The following SIPA1L1 variants were observed in gnomAD, a reference collection of about 807,000 sequenced individuals.
SIPA1L1 encodes the protein signal induced proliferation associated 1 like 1.
SIPA1L1 carries 26 observed loss-of-function variants against 162.7 expected under a neutral mutation model. The ratio of observed to expected loss-of-function variants is 0.16; its 90% CI spans 0.12 to 0.22. SIPA1L1 has a LOEUF of 0.22. Among genes scored for constraint, SIPA1L1 ranks in the 10% least tolerant of loss-of-function variants. SIPA1L1 has a pLI of 1.00. For missense variants in SIPA1L1, 1,874 were observed against 2,241.0 expected (o/e 0.84, Z 3.31); for synonymous variants, 829 against 837.4 (o/e 0.99, Z 0.17).
At chr14:71,625,799 A>G (rs2039920291) in intron 7 of SIPA1L1, among the ~76,000 whole-genome samples, 1 of 152,244 alleles carries the variant, frequency 6.6e-6, no homozygotes, top group Admixed American at 6.5e-5. Flanking sequence ...CATATACTTA[A>G]CATTTGAAAT....
At chr14:71,452,061 CAGAT>C (rs933966323) in intron 2 of SIPA1L1, among the ~76,000 whole-genome samples, 16 of 152,232 alleles carry the variant, frequency 1.1e-4, no homozygotes, top group Non-Finnish European at 2.1e-4. Flanking sequence ...TATAGAAAAG[CAGAT>C]AGATCCTACG....
intron 2 of SIPA1L1, among the ~76,000 whole-genome samples, chr14:71,386,862 C>T (rs2040362981): frequency 6.6e-6 from 1 of 152,168 alleles, no homozygotes; most frequent in African/African-American, 2.4e-5. Context: ...AACTTGAGTA[C>T]TTTCTTCTCG....
intron 4 of SIPA1L1, among the ~76,000 whole-genome samples, chr14:71,549,175 T>G (rs1313780004): frequency 6.6e-6 from 1 of 152,200 alleles, no homozygotes; most frequent in African/African-American, 2.4e-5. Context: ...GTGGCTCCCT[T>G]GGCCTTCCAG....
chr14:71,516,205 T>G (rs1181322437), intron 3 of SIPA1L1, among the ~76,000 whole-genome samples: 1 of 152,190 alleles, frequency 6.6e-6, no homozygotes, highest in Non-Finnish European at 1.5e-5. Context: ...CATGTGATGT[T>G]GTTTTTGGTT....
chr14:71,712,848 T>C (rs1316593592), intron 17 of SIPA1L1, among the ~76,000 whole-genome samples: 2 of 152,196 alleles, frequency 1.3e-5, no homozygotes, highest in African/African-American at 4.8e-5. Context: ...GTTAGCCAGC[T>C]ATTCTCCAGG....
intron 2 of SIPA1L1, among the ~76,000 whole-genome samples, chr14:71,479,091 C>T (rs77817473): frequency 5.3e-4 from 81 of 152,260 alleles, no homozygotes; most frequent in Non-Finnish European, 8.4e-4. Context: ...GTCTAGCTGC[C>T]TTGAGTCCAG....
rs530116120 is a variant in SIPA1L1, at chr14:71,424,402, T to C, written c.-464-88341T>C. 3.3e-5 allele frequency among the ~76,000 whole-genome samples: 5 copies of C among 152,242 alleles called. No homozygotes were observed. In the South Asian group the frequency reaches 1.0e-3, roughly 32 times the overall value. The stretch of plus-strand genomic sequence containing the variant: ...AGACTTTCATTATAGACATGATGTT[T>C]GCAACTGGTTTTTCATATGTTGCTT... On this transcript the variant is annotated intron_variant, in intron 2 of 23. Transcript: ENST00000381232.
At chr14:71,375,104 A>G (rs2039255507) in intron 2 of SIPA1L1, among the ~76,000 whole-genome samples, 1 of 152,260 alleles carries the variant, frequency 6.6e-6, no homozygotes, top group East Asian at 1.9e-4. Flanking sequence ...AGAATTCTTC[A>G]GTTCTGGTTT....
chr14:71,683,615 C>T (rs1401989916), intron 12 of SIPA1L1, among the ~76,000 whole-genome samples: 2 of 151,824 alleles, frequency 1.3e-5, no homozygotes, highest in Non-Finnish European at 2.9e-5. Flanking sequence ...CTATGAACAA[C>T]CAAAAAAGGG....
rs562370625 is a variant in SIPA1L1, at chr14:71,366,558, C to T, written c.-465+45377C>T. Among the ~76,000 whole-genome samples, 5 of 152,190 alleles carry T rather than the reference C, an allele frequency of 3.3e-5. No homozygotes were observed. The East Asian group carries it at 5.8e-4, about 18-fold the overall frequency. On this transcript the variant is annotated intron_variant, in intron 2 of 23. Transcript: ENST00000381232. ...ACACCATTCTCCTGCCTCAGCCTCT[C>T]GAGTAGCTGGGACTACAGGCGCCCG...
intron 5 of SIPA1L1, among the ~76,000 whole-genome samples, chr14:71,591,325 C>T (rs551816216): frequency 6.5e-4 from 99 of 151,732 alleles, no homozygotes; most frequent in African/African-American, 2.3e-3. Context: ...AGTGATAAGA[C>T]TCTCATGGAG....
chr14:71,491,148 A>G (rs1316958331), intron 2 of SIPA1L1, among the ~76,000 whole-genome samples: 1 of 152,252 alleles, frequency 6.6e-6, no homozygotes, highest in Non-Finnish European at 1.5e-5. Flanking sequence ...CTCATTGGAA[A>G]GGAAATGTCA....
intron 2 of SIPA1L1, among the ~76,000 whole-genome samples, chr14:71,352,000 T>C (rs1428276116): frequency 6.6e-6 from 1 of 150,866 alleles, no homozygotes; most frequent in Non-Finnish European, 1.5e-5. Context: ...TGCTAGGTAT[T>C]AACAAGTGTG....
chr14:71,402,954 C>G (rs941557899), intron 2 of SIPA1L1, among the ~76,000 whole-genome samples: 1 of 152,100 alleles, frequency 6.6e-6, no homozygotes, highest in Non-Finnish European at 1.5e-5. Context: ...GTCCCCCTCT[C>G]CCTCCACATT....
Position 71,739,230 on chromosome 14 carries a change from C to G in SIPA1L1, c.*69C>G, listed in dbSNP as rs982223027. 6.9e-7 allele frequency: 1 copy of G among 1,452,824 alleles called. No homozygotes were observed. Among genetic ancestry groups the G allele is most frequent in the Middle Eastern group, 1.9e-4 (1 of 5,196 alleles). The allele number at this position is 1,452,824 out of a possible 1,614,324, so 90.0% of individuals were successfully genotyped here. On this transcript the variant is annotated 3_prime_UTR_variant, in exon 24 of 24. Coordinates refer to ENST00000381232, the MANE Select transcript of SIPA1L1 (RefSeq NM_001386936.1). ...AGTGAGTGTCCTGCAGCCCTTATTC[C>G]CTCCATAGAAAGCATCCTCAGAGCA... is the stretch of plus-strand genomic sequence containing the variant.
intron 2 of SIPA1L1, among the ~76,000 whole-genome samples, chr14:71,385,647 TA>T (rs1285129636): frequency 6.6e-5 from 10 of 151,124 alleles, no homozygotes; most frequent in Admixed American, 2.0e-4. Context: ...ATAATACATA[TA>T]AAAAATTATA....
At chr14:71,636,880 G>A (rs762473192) in intron 7 of SIPA1L1, among the ~76,000 whole-genome samples, 72 of 151,816 alleles carry the variant, frequency 4.7e-4, no homozygotes, top group Non-Finnish European at 9.1e-4. Flanking sequence ...GTGAAACCAC[G>A]ACTCTACTAA....
intron 7 of SIPA1L1, among the ~76,000 whole-genome samples, chr14:71,625,232 TTTA>T (rs2039850608): frequency 1.3e-5 from 2 of 152,278 alleles, no homozygotes; most frequent in South Asian, 4.1e-4. Context: ...TTAAGGTATA[TTTA>T]TTGTTTTAAT....
rs368207392 is a variant in SIPA1L1 at position 71,524,769 on chromosome 14, C to G, written c.-361-4543C>G. Among the ~76,000 whole-genome samples, 4 of 152,092 alleles carry G rather than the reference C, an allele frequency of 2.6e-5. No homozygotes were observed. In the East Asian group the frequency reaches 7.7e-4, roughly 29 times the overall value. On this transcript the variant is annotated intron_variant, in intron 3 of 23. Coordinates refer to ENST00000381232, the MANE Select transcript of SIPA1L1 (RefSeq NM_001386936.1). ...TGGCCACATCTCAGTTTTAGCTTGT[C>G]CTTGTACGTCACACTCTGGTTGTCT...
Sources: allele counts gnomAD v4.1 joint callset (sites outside exome capture counted in the v4.1 genomes callset), GRCh38; gene constraint gnomAD v4.1.1; transcripts MANE v1.5; gene names NCBI Gene and HGNC (gene_info 2026-07-23, HGNC 2026-07-21).